Variants in PODXL observed in about 807,000 individuals in gnomAD.
PODXL encodes the protein podocalyxin.
PODXL carries 20 observed loss-of-function variants against 48.9 expected under a neutral mutation model. The observed-to-expected ratio is 0.41, with a 90% CI of 0.29 to 0.59. The LOEUF (loss-of-function observed/expected upper bound fraction) is 0.59. PODXL is among the 20% of genes least tolerant of loss of function. The pLI, the probability that PODXL is intolerant of heterozygous loss-of-function variation, is 0.31. For missense variants in PODXL, 606 were observed against 675.1 expected (o/e 0.90, Z 1.13); for synonymous variants, 295 against 287.4 (o/e 1.03, Z -0.27).
At chr7:131,505,554 C>G (rs1312738560) in intron 8 of PODXL, among the ~76,000 whole-genome samples, 2 of 152,018 alleles carry the variant, frequency 1.3e-5, no homozygotes, top group African/African-American at 4.8e-5. Flanking sequence ...GGCTGAGGCA[C>G]AAGAATCACT....
intron 1 of PODXL, among the ~76,000 whole-genome samples, chr7:131,543,769 C>G (rs1235354972): frequency 6.6e-6 from 1 of 152,078 alleles, no homozygotes; most frequent in Non-Finnish European, 1.5e-5. Flanking sequence ...CACGAAGAGC[C>G]CCCAGGACAC....
chr7:131,505,957 T>C lies in PODXL; in HGVS notation c.1390A>G (p.Ile464Val). ...AATGATGCCATGCAGACGATGGTGA[T>C]GATGAGGGGCATGCTGAAGCGGTCC... ...AEDRFSMPLI[I>V]TIVCMASFLL... is the part of the protein sequence containing the mutation. The change falls in exon 8 of 9, where the codon ATC becomes GTC. Residue 464 changes from isoleucine to valine, a missense_variant. Ile to Val is a conservative substitution (Grantham distance 29, BLOSUM62 3). Coordinates refer to ENST00000378555, the MANE Select transcript of PODXL (RefSeq NM_001018111.3). The C allele has an allele frequency of 6.2e-7, 1 of 1,609,018 alleles. No homozygotes were observed. The highest frequency in any genetic ancestry group is 8.5e-7 in the Non-Finnish European group (1 of 1,178,188).
intron 1 of PODXL, among the ~76,000 whole-genome samples, chr7:131,517,448 C>T (rs1435170171): frequency 6.6e-6 from 1 of 152,214 alleles, no homozygotes; most frequent in Non-Finnish European, 1.5e-5. Context: ...AGCCAGTCAA[C>T]CAGGTCCCAG....
At chr7:131,514,314 T>A (rs1797959685) in intron 1 of PODXL, among the ~76,000 whole-genome samples, 1 of 152,172 alleles carries the variant, frequency 6.6e-6, no homozygotes, top group East Asian at 1.9e-4. Context: ...CTCAGGAGGC[T>A]GAGGCAGGAG....
At chr7:131,509,623 G>A (rs201864514) in intron 3 of PODXL, 38 bp from the exon 4 acceptor site, 281 of 1,363,768 alleles carry the variant, frequency 2.1e-4, no homozygotes, top group Non-Finnish European at 2.1e-4. Flanking sequence ...GAAAAGATGA[G>A]TGCACCCTTG....
rs929425745 is a variant in PODXL at position 131,510,905 on chromosome 7, A to T, written c.629T>A (p.Met210Lys). 1.2e-6 allele frequency: 2 copies of T among 1,613,998 alleles called. No individual in the cohort carries two copies. The highest frequency in any genetic ancestry group is 2.7e-5 in the African/African-American group (2 of 74,886). Residue 210 changes from methionine (M) to lysine (K), a missense_variant, in exon 2 of 9, where the codon ATG becomes AAG. Physicochemically the swap from Met to Lys is moderately conservative, Grantham distance 95. Transcript: ENST00000378555. ...AGTGCTTGAACTGCTTGAAATTTTC[A>T]TAAGATGGTCATGTCCCGAGCTTGT... ...TPTSSGHDHL[M>K]KISSSSSTVA...
intron 1 of PODXL, among the ~76,000 whole-genome samples, chr7:131,555,792 G>C (rs1352826090): frequency 3.9e-5 from 6 of 152,214 alleles, no homozygotes; most frequent in Non-Finnish European, 8.8e-5. Context: ...GTGGCTGGAG[G>C]CTTGTCACCT....
At chr7:131,516,709 C>T (rs898383707) in intron 1 of PODXL, among the ~76,000 whole-genome samples, 23 of 149,004 alleles carry the variant, frequency 1.5e-4, no homozygotes, top group Non-Finnish European at 3.1e-4. Context: ...TTGTGGGTCA[C>T]GCTTTGACTG....
rs75948085 is a variant in PODXL, at chr7:131,553,857, G to A, written c.100+2403C>T. ...TCTATCTCACAAATAACGAAACGGA[G>A]GCACGGAGATGTGACTTACCATTGT... On this transcript the variant is annotated intron_variant, in intron 1 of 8. Coordinates refer to ENST00000378555, the MANE Select transcript of PODXL (RefSeq NM_001018111.3). Among the ~76,000 whole-genome samples the A allele has an allele frequency of 7.2e-5, 11 of 152,282 alleles. No individual in the cohort carries two copies. In the East Asian group the frequency reaches 2.1e-3, roughly 29 times the overall value.
At chr7:131,526,695 A>G (rs1798191510) in intron 1 of PODXL, among the ~76,000 whole-genome samples, 2 of 150,664 alleles carry the variant, frequency 1.3e-5, no homozygotes, top group South Asian at 4.2e-4. Flanking sequence ...TATCAAAGAA[A>G]GTTAGACGTG....
intron 1 of PODXL, among the ~76,000 whole-genome samples, chr7:131,516,736 C>CTCT (rs377234869): frequency 1.6e-5 from 2 of 125,640 alleles, no homozygotes; most frequent in African/African-American, 6.0e-5. Context: ...TTTTTTTTCT[C>CTCT]TTTTTTTTTT....
chr7:131,504,589 ACTCAGGAGC>A, intron 8 of PODXL, 81 bp from the exon 9 acceptor site: 1 of 1,153,234 alleles, frequency 8.7e-7, no homozygotes, highest in Non-Finnish European at 1.3e-6. Context: ...TACCCCTCCC[ACTCAGGAGC>A]CCCACTGTAG....
At chr7:131,539,760 C>T (rs1305278708) in intron 1 of PODXL, among the ~76,000 whole-genome samples, 2 of 152,214 alleles carry the variant, frequency 1.3e-5, no homozygotes, top group Admixed American at 6.5e-5. Context: ...CAGGAACGTC[C>T]GTGCCCAGTC....
chr7:131,554,535 G>A (rs1180978097), intron 1 of PODXL, among the ~76,000 whole-genome samples: 1 of 152,222 alleles, frequency 6.6e-6, no homozygotes, highest in African/African-American at 2.4e-5. Flanking sequence ...TCATGGAAGA[G>A]ACATGGTTTC....
At chr7:131,549,544 C>T (rs1355133946) in intron 1 of PODXL, among the ~76,000 whole-genome samples, 1 of 152,148 alleles carries the variant, frequency 6.6e-6, no homozygotes, top group African/African-American at 2.4e-5. Context: ...TTACAGAGTG[C>T]CCTCCTCACC....
chr7:131,508,603 C>T (rs953820534), intron 5 of PODXL, among the ~76,000 whole-genome samples: 2 of 151,320 alleles, frequency 1.3e-5, no homozygotes, highest in South Asian at 2.1e-4. Flanking sequence ...AAGAGATCAA[C>T]TCACCAAAGT....
At chr7:131,517,349 AG>A (rs964493859) in intron 1 of PODXL, among the ~76,000 whole-genome samples, 6 of 152,284 alleles carry the variant, frequency 3.9e-5, no homozygotes, top group African/African-American at 1.4e-4. Context: ...TGTGCTCTTT[AG>A]GATCAGAATG....
chr7:131,547,202 C>T (rs374608006), intron 1 of PODXL, among the ~76,000 whole-genome samples: 11 of 152,086 alleles, frequency 7.2e-5, no homozygotes, highest in African/African-American at 2.7e-4. Context: ...GGAGAAACCC[C>T]GTCTCTACTA....
At chr7:131,531,893 C>T (rs1798285467) in intron 1 of PODXL, among the ~76,000 whole-genome samples, 1 of 150,558 alleles carries the variant, frequency 6.6e-6, no homozygotes, top group South Asian at 2.1e-4. Flanking sequence ...GGCGGATCAC[C>T]TGAGGTTGGG....
Sources: gnomAD v4.1 joint callset for allele counts (sites outside exome capture counted in the v4.1 genomes callset) on GRCh38, gnomAD v4.1.1 for gene constraint, MANE v1.5 for transcripts, NCBI Gene and HGNC (gene_info 2026-07-23, HGNC 2026-07-21) for gene names.